Variants in TRAPPC9 observed in about 807,000 individuals in gnomAD.
The protein encoded by TRAPPC9 is trafficking protein particle complex subunit 9.
TRAPPC9 carries 83 observed loss-of-function variants against 124.0 expected under a neutral mutation model. That is an observed-to-expected ratio of 0.67 (90% CI 0.56 to 0.80). The LOEUF is 0.80. TRAPPC9 is among the 30% of genes least tolerant of loss of function. The pLI, the probability that TRAPPC9 is intolerant of heterozygous loss-of-function variation, is 0.00. For synonymous variants in TRAPPC9, 638 were observed against 617.5 expected (o/e 1.03, Z -0.49); for missense variants, 1,302 against 1,508.3 (o/e 0.86, Z 2.27).
intron 17 of TRAPPC9, among the ~76,000 whole-genome samples, chr8:140,217,853 C>A (rs1421156149): frequency 6.6e-6 from 1 of 152,140 alleles, no homozygotes; most frequent in Non-Finnish European, 1.5e-5. Flanking sequence ...CCCATCTCTA[C>A]TAAAAACACA....
chr8:139,754,785 C>T (rs1276348525), intron 21 of TRAPPC9, among the ~76,000 whole-genome samples: 2 of 152,272 alleles, frequency 1.3e-5, no homozygotes, highest in African/African-American at 2.4e-5. Flanking sequence ...TCTTCCTCCC[C>T]TGGCTGAAAA....
At chr8:140,312,762 T>C in intron 9 of TRAPPC9, among the ~76,000 whole-genome samples, 1 of 147,388 alleles carries the variant, frequency 6.8e-6, no homozygotes. Flanking sequence ...CTTCTTCTTT[T>C]TTTTTTTTTT....
chr8:139,822,424 T>C (rs1024882864), intron 21 of TRAPPC9, among the ~76,000 whole-genome samples: 2 of 152,104 alleles, frequency 1.3e-5, no homozygotes, highest in Admixed American at 6.5e-5. Context: ...AGGTACCAGC[T>C]ACATAGGGCA....
At chr8:140,161,414 A>AT (rs11389261) in intron 17 of TRAPPC9, among the ~76,000 whole-genome samples, 122,965 of 150,034 alleles carry the variant, frequency 0.82, 50,424 homozygotes, top group East Asian at 0.98. Flanking sequence ...AACATCTCCA[A>AT]TTTTTTTTTT....
At chr8:139,746,526 G>A (rs376882815) in intron 21 of TRAPPC9, among the ~76,000 whole-genome samples, 5 of 152,286 alleles carry the variant, frequency 3.3e-5, no homozygotes, top group African/African-American at 9.6e-5. Flanking sequence ...GCCCCAGGTG[G>A]GTAGAGCCTC....
intron 21 of TRAPPC9, among the ~76,000 whole-genome samples, chr8:139,813,248 T>A (rs1315446869): frequency 2.6e-5 from 4 of 152,220 alleles, no homozygotes; most frequent in African/African-American, 9.6e-5. Context: ...CGTCCCCTCT[T>A]GCACCTCAGT....
chr8:140,392,659 AAG>A (rs1190295191), intron 7 of TRAPPC9, among the ~76,000 whole-genome samples: 2 of 152,346 alleles, frequency 1.3e-5, no homozygotes, highest in Non-Finnish European at 2.9e-5. Context: ...GAGGGCAGGA[AAG>A]AGAGAACCAG....
intron 21 of TRAPPC9, among the ~76,000 whole-genome samples, chr8:139,882,046 G>A (rs1347756645): frequency 6.6e-6 from 1 of 152,204 alleles, no homozygotes; most frequent in Non-Finnish European, 1.5e-5. Context: ...TTCAAGGAGA[G>A]CCCCTTGTGA....
intron 17 of TRAPPC9, among the ~76,000 whole-genome samples, chr8:140,037,586 TACAC>T (rs369070239): frequency 3.5e-5 from 5 of 141,498 alleles, no homozygotes; most frequent in Non-Finnish European, 7.8e-5. Flanking sequence ...CACACACACA[TACAC>T]ACACACACAC....
intron 15 of TRAPPC9, among the ~76,000 whole-genome samples, chr8:140,259,238 G>A (rs1021185631): frequency 1.4e-4 from 21 of 152,196 alleles, no homozygotes; most frequent in African/African-American, 2.9e-4. Flanking sequence ...AACTCTATGC[G>A]TCCTTCACAA....
intron 9 of TRAPPC9, among the ~76,000 whole-genome samples, chr8:140,347,231 C>A (rs1359167479): frequency 6.6e-6 from 1 of 152,222 alleles, no homozygotes; most frequent in Non-Finnish European, 1.5e-5. Context: ...CAGTTCCTAG[C>A]TTGTCCTTGC....
At chr8:140,317,685 C>T (rs2066476887) in intron 9 of TRAPPC9, among the ~76,000 whole-genome samples, 1 of 152,082 alleles carries the variant, frequency 6.6e-6, no homozygotes, top group Non-Finnish European at 1.5e-5. Context: ...CTATAAGCTC[C>T]TTAAAAGGAA....
chr8:139,803,509 C>A (rs1246221364), intron 21 of TRAPPC9, among the ~76,000 whole-genome samples: 5 of 152,250 alleles, frequency 3.3e-5, no homozygotes, highest in Non-Finnish European at 7.3e-5. Context: ...CAGCACCGCT[C>A]TCTGTGCAGG....
intron 16 of TRAPPC9, 28 bp from the exon 17 acceptor site, chr8:140,221,611 T>C: frequency 1.2e-6 from 2 of 1,606,778 alleles, no homozygotes; most frequent in Non-Finnish European, 1.7e-6. Context: ...AAATCATAAG[T>C]AACACGTCAG....
chr8:139,756,941 G>A (rs1819861833), intron 21 of TRAPPC9, among the ~76,000 whole-genome samples: 1 of 139,480 alleles, frequency 7.2e-6, no homozygotes, highest in South Asian at 2.4e-4. Context: ...GCCAGGGTTG[G>A]GGTATAAGGA....
At chr8:140,282,502 CA>C (rs549294612) in intron 14 of TRAPPC9, among the ~76,000 whole-genome samples, 178 of 99,600 alleles carry the variant, frequency 1.8e-3, no homozygotes, top group Middle Eastern at 5.3e-3. Flanking sequence ...GACTCCACCT[CA>C]AAAAAAAAAA....
intron 7 of TRAPPC9, among the ~76,000 whole-genome samples, chr8:140,395,982 G>A (rs934059547): frequency 6.6e-6 from 1 of 152,054 alleles, no homozygotes; most frequent in Admixed American, 6.6e-5. Flanking sequence ...CGTTTCCAGC[G>A]GGCTGGCCTT....
At chr8:140,375,529 A>G (rs1397047743) in intron 7 of TRAPPC9, among the ~76,000 whole-genome samples, 1 of 152,218 alleles carries the variant, frequency 6.6e-6, no homozygotes, top group African/African-American at 2.4e-5. Context: ...AGAGGGAGGA[A>G]TACAGCCTGG....
chr8:140,121,293 G>A (rs1417617693), intron 17 of TRAPPC9, among the ~76,000 whole-genome samples: 1 of 152,230 alleles, frequency 6.6e-6, no homozygotes, highest in Non-Finnish European at 1.5e-5. Flanking sequence ...GAACATCCAT[G>A]GGCCTGGGTG....
Sources: allele counts gnomAD v4.1 joint callset (sites outside exome capture counted in the v4.1 genomes callset), GRCh38; gene constraint gnomAD v4.1.1; transcripts MANE v1.5; gene names NCBI Gene and HGNC (gene_info 2026-07-23, HGNC 2026-07-21).